ADGRL2: variants seen among roughly 807,000 people sequenced by gnomAD.
ADGRL2 encodes calcium-independent alpha-latrotoxin receptor 2.
ADGRL2 carries 44 observed loss-of-function variants against 157.4 expected under a neutral mutation model. The observed-to-expected ratio is 0.28, with a 90% CI of 0.22 to 0.36. The LOEUF (loss-of-function observed/expected upper bound fraction) is 0.36, where lower values mean the gene tolerates loss of function less well. ADGRL2 is among the 10% of genes least tolerant of loss of function. The pLI is 1.00. For synonymous variants in ADGRL2, 585 were observed against 624.7 expected (o/e 0.94, Z 0.95); for missense variants, 1,510 against 1,768.9 (o/e 0.85, Z 2.63).
chr1:81,421,779 C>A (rs191218734), intron 1 of ADGRL2, among the ~76,000 whole-genome samples: 2 of 151,736 alleles, frequency 1.3e-5, no homozygotes, highest in Admixed American at 1.3e-4. Context: ...TTTAGGTTTC[C>A]AATTAGTTGC....
chr1:81,969,396 C>G lies in ADGRL2; in HGVS notation c.2733+9C>G. The G allele has an allele frequency of 6.3e-7, 1 of 1,586,444 alleles. No individual in the cohort carries two copies. The highest frequency in any genetic ancestry group is 8.7e-7 in the Non-Finnish European group (1 of 1,155,358). ...ATAAGACAAAATATGCGGTAAGCAC[C>G]AGTTGAGTTCATTGACCTTAGATCT... On this transcript the variant is annotated intron_variant, in intron 15 of 23. Transcript: ENST00000686636.
chr1:81,535,641 T>C (rs551721248), intron 2 of ADGRL2, among the ~76,000 whole-genome samples: 1 of 152,320 alleles, frequency 6.6e-6, no homozygotes, highest in South Asian at 2.1e-4. Flanking sequence ...CAGTACACCA[T>C]GTTTATGTGA....
chr1:81,335,203 A>G (rs1028871445), intron 1 of ADGRL2, among the ~76,000 whole-genome samples: 2 of 152,230 alleles, frequency 1.3e-5, no homozygotes, highest in Non-Finnish European at 2.9e-5. Context: ...TAATATTTGC[A>G]TATGCTTCTG....
At chr1:81,503,650 G>A (rs910991705) in intron 2 of ADGRL2, among the ~76,000 whole-genome samples, 5 of 152,198 alleles carry the variant, frequency 3.3e-5, no homozygotes, top group African/African-American at 1.2e-4. Context: ...CGGGGGCAGG[G>A]AGAGGCTAGA....
intron 2 of ADGRL2, among the ~76,000 whole-genome samples, chr1:81,896,993 T>C (rs912589931): frequency 3.3e-5 from 5 of 152,214 alleles, no homozygotes; most frequent in Non-Finnish European, 7.4e-5. Flanking sequence ...ATCCCCCATG[T>C]TTGTTACTCA....
intron 2 of ADGRL2, among the ~76,000 whole-genome samples, chr1:81,899,229 AAAGTTT>A (rs1477031813): frequency 6.6e-6 from 1 of 152,228 alleles, no homozygotes; most frequent in Non-Finnish European, 1.5e-5. Context: ...ACAAGCACTT[AAAGTTT>A]ATCACAACAA....
At chr1:81,638,908 G>T (rs990911527) in intron 3 of ADGRL2, among the ~76,000 whole-genome samples, 1 of 152,178 alleles carries the variant, frequency 6.6e-6, no homozygotes, top group Admixed American at 6.5e-5. Context: ...GGGAGCTGAG[G>T]TGAGAGGATC....
At chr1:81,472,649 A>AGGAAAG (rs967933415) in intron 2 of ADGRL2, among the ~76,000 whole-genome samples, 2 of 148,610 alleles carry the variant, frequency 1.3e-5, no homozygotes, top group Non-Finnish European at 3.0e-5. Flanking sequence ...AGGAAAGGAA[A>AGGAAAG]GGAAAGGGAA....
intron 7 of ADGRL2, 103 bp downstream of exon 7, chr1:81,950,585 T>G: frequency 9.0e-7 from 1 of 1,108,452 alleles, no homozygotes; most frequent in Non-Finnish European, 1.3e-6. Context: ...TTACAGTAGC[T>G]AACTTTATTT....
intron 1 of ADGRL2, among the ~76,000 whole-genome samples, chr1:81,348,988 T>C (rs572945080): frequency 6.6e-6 from 1 of 152,326 alleles, no homozygotes; most frequent in Admixed American, 6.5e-5. Context: ...ATGGAAGTAA[T>C]CTGCAGTAAT....
chr1:81,887,558 A>C (rs774955556), intron 2 of ADGRL2, among the ~76,000 whole-genome samples: 14 of 152,330 alleles, frequency 9.2e-5, no homozygotes, highest in Admixed American at 2.0e-4. Context: ...TGTCATACTT[A>C]AGGAATGCAG....
intron 3 of ADGRL2, among the ~76,000 whole-genome samples, chr1:81,930,119 C>T (rs1159687186): frequency 1.3e-5 from 2 of 151,996 alleles, no homozygotes; most frequent in African/African-American, 4.8e-5. Flanking sequence ...AAACAGTATG[C>T]TATATTATTT....
At chr1:81,419,263 G>A (rs749677656) in intron 1 of ADGRL2, among the ~76,000 whole-genome samples, 1 of 152,134 alleles carries the variant, frequency 6.6e-6, no homozygotes, top group Non-Finnish European at 1.5e-5. Flanking sequence ...GAGTGCAGTG[G>A]CCTGATTTCA....
At chr1:81,739,996 A>G (rs369660151) in intron 1 of ADGRL2, among the ~76,000 whole-genome samples, 114 of 152,350 alleles carry the variant, frequency 7.5e-4, no homozygotes, top group Non-Finnish European at 1.5e-3. Context: ...CCAGATTGGA[A>G]ACCACCACTG....
chr1:81,577,750 G>A (rs936040918), intron 2 of ADGRL2, among the ~76,000 whole-genome samples: 4 of 152,168 alleles, frequency 2.6e-5, no homozygotes, highest in African/African-American at 4.8e-5. Context: ...AGTTGATACT[G>A]TTTAACCAGG....
chr1:81,409,473 G>T (rs961376069), intron 1 of ADGRL2, among the ~76,000 whole-genome samples: 6 of 152,216 alleles, frequency 3.9e-5, no homozygotes, highest in Admixed American at 6.5e-5. Flanking sequence ...TGGCACAGAA[G>T]ATAGTCACAT....
chr1:81,747,257 A>C (rs1242004308), intron 1 of ADGRL2, among the ~76,000 whole-genome samples: 2 of 148,544 alleles, frequency 1.3e-5, no homozygotes, highest in African/African-American at 2.5e-5. Flanking sequence ...ATGTGTGTAT[A>C]TATGTATATG....
chr1:81,674,358 G>C (rs1219625035), intron 3 of ADGRL2, among the ~76,000 whole-genome samples: 1 of 152,158 alleles, frequency 6.6e-6, no homozygotes, highest in Admixed American at 6.5e-5. Context: ...AATGCACGTA[G>C]AACACTTACC....
At chr1:81,791,100 A>T (rs1271581560) in intron 2 of ADGRL2, among the ~76,000 whole-genome samples, 1 of 143,338 alleles carries the variant, frequency 7.0e-6, no homozygotes, top group Non-Finnish European at 1.5e-5. Context: ...AAAGAATGTG[A>T]GCAGGGAGGG....
Sources: allele counts gnomAD v4.1 joint callset (sites outside exome capture counted in the v4.1 genomes callset), GRCh38; gene constraint gnomAD v4.1.1; transcripts MANE v1.5; gene names NCBI Gene and HGNC (gene_info 2026-07-23, HGNC 2026-07-21).